Variants in CCDC148 observed in about 807,000 individuals in gnomAD.
CCDC148 encodes coiled-coil domain-containing protein 148.
Under a neutral mutation model 85.7 loss-of-function variants are expected in CCDC148, and 89 were observed. That is an observed-to-expected ratio of 1.04 (90% confidence interval 0.87 to 1.24). The LOEUF (loss-of-function observed/expected upper bound fraction) is 1.24, where lower values mean the gene tolerates loss of function less well. Among genes scored for constraint, CCDC148 ranks in the 50% most tolerant of loss-of-function variants. The probability of loss-of-function intolerance (pLI) is 0.00; values close to 1 mark genes in which losing one functional copy is unlikely to be tolerated. For missense variants in CCDC148, 692 were observed against 671.7 expected (o/e 1.03, Z -0.33); for synonymous variants, 230 against 213.9 (o/e 1.08, Z -0.66).
At chr2:158,446,657 A>G (rs1339622632) in intron 1 of CCDC148, among the ~76,000 whole-genome samples, 2 of 152,166 alleles carry the variant, frequency 1.3e-5, no homozygotes, top group African/African-American at 4.8e-5. Flanking sequence ...CATAAAATAT[A>G]CCCATTAGAA....
chr2:158,417,686 T>C (rs1421931229), intron 1 of CCDC148, among the ~76,000 whole-genome samples: 2 of 152,140 alleles, frequency 1.3e-5, no homozygotes, highest in African/African-American at 4.8e-5. Flanking sequence ...TCCTTTACCG[T>C]CCACATGCAC....
intron 10 of CCDC148, among the ~76,000 whole-genome samples, chr2:158,234,969 C>T (rs1033922698): frequency 1.3e-5 from 2 of 151,798 alleles, no homozygotes; most frequent in Admixed American, 1.3e-4. Flanking sequence ...CACAATGGGG[C>T]CTTCCAGAGG....
chr2:158,321,681 T>C lies in CCDC148; in HGVS notation c.765-7787A>G, dbSNP rs192369901. Among the ~76,000 whole-genome samples, 14 of 152,364 alleles carry C rather than the reference T, an allele frequency of 9.2e-5. 2 individuals carry two copies. Among genetic ancestry groups the C allele is most frequent in the Admixed American group, 6.5e-4 (10 of 15,302 alleles). The stretch of plus-strand genomic sequence containing the variant: ...TCTTGTATTCATCAAGCAACGGTCA[T>C]ATATGTAAGCATTTGTTTATTTCAC... On this transcript the variant is annotated intron_variant, in intron 7 of 13. Coordinates refer to ENST00000283233, the MANE Select transcript of CCDC148 (RefSeq NM_138803.4).
At chr2:158,445,997 GA>G (rs1224607630) in intron 1 of CCDC148, among the ~76,000 whole-genome samples, 8 of 152,052 alleles carry the variant, frequency 5.3e-5, no homozygotes, top group Admixed American at 4.6e-4. Flanking sequence ...ATAGACACTG[GA>G]AAAAATATGG....
chr2:158,184,567 C>T (rs973528926), intron 11 of CCDC148, among the ~76,000 whole-genome samples: 2 of 152,122 alleles, frequency 1.3e-5, no homozygotes, highest in African/African-American at 4.8e-5. Flanking sequence ...TATTCATAAA[C>T]TTCCAAATTA....
At chr2:158,392,482 C>A (rs1559116428) in intron 1 of CCDC148, among the ~76,000 whole-genome samples, 1 of 152,040 alleles carries the variant, frequency 6.6e-6, no homozygotes. Flanking sequence ...AAAATGTCCA[C>A]TGGAGGAGTA....
intron 10 of CCDC148, among the ~76,000 whole-genome samples, chr2:158,246,402 T>TG (rs1452469829): frequency 6.6e-6 from 1 of 152,206 alleles, no homozygotes; most frequent in Non-Finnish European, 1.5e-5. Flanking sequence ...TTCTGGTCAG[T>TG]ATCTCTGAGT....
intron 7 of CCDC148, among the ~76,000 whole-genome samples, chr2:158,321,889 A>C (rs1325189376): frequency 1.3e-5 from 2 of 152,116 alleles, no homozygotes; most frequent in African/African-American, 4.8e-5. Flanking sequence ...TTTTGGCAAA[A>C]CTTTCACATA....
intron 1 of CCDC148, among the ~76,000 whole-genome samples, chr2:158,392,917 T>A (rs929866212): frequency 6.6e-6 from 1 of 152,128 alleles, no homozygotes; most frequent in Non-Finnish European, 1.5e-5. Flanking sequence ...TGACAGTGTT[T>A]GTAGCAGTAT....
At chr2:158,356,894 T>C (rs1468267146) in intron 2 of CCDC148, among the ~76,000 whole-genome samples, 4 of 137,522 alleles carry the variant, frequency 2.9e-5, no homozygotes. Context: ...TGGAATACTA[T>C]GCAGCCATAA....
At chr2:158,424,268 G>A (rs973697130) in intron 1 of CCDC148, among the ~76,000 whole-genome samples, 7 of 152,112 alleles carry the variant, frequency 4.6e-5, no homozygotes, top group Admixed American at 1.3e-4. Flanking sequence ...ACATGCACAT[G>A]TATGTTTATT....
intron 9 of CCDC148, among the ~76,000 whole-genome samples, chr2:158,264,177 G>A (rs1300694126): frequency 1.3e-5 from 2 of 151,850 alleles, no homozygotes; most frequent in Non-Finnish European, 2.9e-5. Flanking sequence ...AGTGATTACA[G>A]TATATGGATT....
chr2:158,387,938 A>C (rs1306242922), intron 1 of CCDC148, among the ~76,000 whole-genome samples: 1 of 152,102 alleles, frequency 6.6e-6, no homozygotes, highest in Non-Finnish European at 1.5e-5. Flanking sequence ...CTCCAACACC[A>C]TAGTTTGGGC....
chr2:158,282,344 G>C lies in CCDC148; in HGVS notation c.1110+27089C>G, dbSNP rs1314419874. Among the ~76,000 whole-genome samples the C allele has an allele frequency of 2.6e-5, 4 of 152,306 alleles. No individual in the cohort carries two copies. In the East Asian group the frequency reaches 7.7e-4, roughly 29 times the overall value. ...GAAAAGAGGAAGTCAAATTGTCCTT[G>C]TTTGCAGATGACATGATTGTATATC... is the stretch of plus-strand genomic sequence containing the variant. On this transcript the variant is annotated intron_variant, in intron 9 of 13. Coordinates refer to ENST00000283233, the MANE Select transcript of CCDC148 (RefSeq NM_138803.4).
At chr2:158,311,556 A>G (rs1323948727) in intron 8 of CCDC148, among the ~76,000 whole-genome samples, 1 of 152,100 alleles carries the variant, frequency 6.6e-6, no homozygotes, top group Non-Finnish European at 1.5e-5. Flanking sequence ...GAGAGCTAAA[A>G]CCACTTTCAT....
intron 11 of CCDC148, among the ~76,000 whole-genome samples, chr2:158,181,418 G>A (rs963848942): frequency 3.3e-5 from 5 of 152,114 alleles, no homozygotes; most frequent in Non-Finnish European, 5.9e-5. Context: ...GTGATACAAC[G>A]TCAACATGGG....
chr2:158,400,983 A>C (rs145343785), intron 1 of CCDC148, among the ~76,000 whole-genome samples: 1 of 152,344 alleles, frequency 6.6e-6, no homozygotes, highest in Non-Finnish European at 1.5e-5. Context: ...CAGAAATGCA[A>C]ATTAAAACCA....
intron 13 of CCDC148, among the ~76,000 whole-genome samples, chr2:158,174,001 T>C (rs938617532): frequency 2.0e-5 from 3 of 152,048 alleles, no homozygotes; most frequent in Non-Finnish European, 4.4e-5. Flanking sequence ...CTTGTAAATA[T>C]GTACTAGATA....
At chr2:158,265,541 T>C (rs965440476) in intron 9 of CCDC148, among the ~76,000 whole-genome samples, 2 of 152,070 alleles carry the variant, frequency 1.3e-5, no homozygotes, top group African/African-American at 4.8e-5. Context: ...AATAAGAAAA[T>C]GTTTCTAACT....
Sources: allele counts gnomAD v4.1 joint callset (sites outside exome capture counted in the v4.1 genomes callset), GRCh38; gene constraint gnomAD v4.1.1; transcripts MANE v1.5; gene names NCBI Gene and HGNC (gene_info 2026-07-23, HGNC 2026-07-21).